The following CELF2 variants were observed in gnomAD, a reference collection of about 807,000 sequenced individuals.
The protein encoded by CELF2 is CUG triplet repeat RNA-binding protein 2.
CELF2 carries 8 observed loss-of-function variants against 62.6 expected under a neutral mutation model. The ratio of observed to expected loss-of-function variants is 0.13; its 90% CI spans 0.07 to 0.23. The LOEUF (loss-of-function observed/expected upper bound fraction) is 0.23, where lower values mean the gene tolerates loss of function less well. CELF2 is among the 10% of genes least tolerant of loss of function. The probability of loss-of-function intolerance (pLI) is 1.00; values close to 1 mark genes in which losing one functional copy is unlikely to be tolerated. For synonymous variants in CELF2, 258 were observed against 250.0 expected (o/e 1.03, Z -0.30); for missense variants, 333 against 671.0 (o/e 0.50, Z 5.56).
At chr10:10,991,608 C>T (rs1181016158) in intron 2 of CELF2, among the ~76,000 whole-genome samples, 1 of 152,154 alleles carries the variant, frequency 6.6e-6, no homozygotes, top group African/African-American at 2.4e-5. Flanking sequence ...TTTTACTTCT[C>T]AGTAATTTTG....
chr10:11,038,175 C>G (rs1052848481), intron 1 of CELF2, among the ~76,000 whole-genome samples: 1 of 152,168 alleles, frequency 6.6e-6, no homozygotes, highest in Non-Finnish European at 1.5e-5. Flanking sequence ...CGGAGAGGAC[C>G]CAGCCACACC....
chr10:10,859,812 T>G (rs2059951904), intron 1 of CELF2, among the ~76,000 whole-genome samples: 1 of 152,158 alleles, frequency 6.6e-6, no homozygotes, highest in Non-Finnish European at 1.5e-5. Context: ...CCTGCTTATA[T>G]CAATATAAAT....
At chr10:11,052,007 G>C (rs1369914711) in intron 1 of CELF2, among the ~76,000 whole-genome samples, 2 of 151,252 alleles carry the variant, frequency 1.3e-5, no homozygotes, top group Non-Finnish European at 2.9e-5. Flanking sequence ...CCAGGCTGAA[G>C]CAATCCTCCC....
chr10:10,629,891 A>G, the CELF2 span, among the ~76,000 whole-genome samples: 7 of 133,398 alleles, frequency 5.2e-5, no homozygotes, highest in East Asian at 1.3e-3. Flanking sequence ...AAAAAAAAAA[A>G]GCTTGCTTTT....
At chr10:11,086,433 A>G (rs1365690347) in intron 1 of CELF2, among the ~76,000 whole-genome samples, 1 of 152,046 alleles carries the variant, frequency 6.6e-6, no homozygotes, top group African/African-American at 2.4e-5. Flanking sequence ...GGGAGTGGGG[A>G]TTAGACGCCA....
intron 7 of CELF2, among the ~76,000 whole-genome samples, chr10:11,273,623 G>C (rs947468287): frequency 7.2e-5 from 11 of 152,138 alleles, no homozygotes; most frequent in African/African-American, 2.4e-4. Flanking sequence ...CATGTGTAGG[G>C]TTTATCATAT....
chr10:11,129,956 T>C (rs1057471368), intron 1 of CELF2, among the ~76,000 whole-genome samples: 7 of 152,238 alleles, frequency 4.6e-5, no homozygotes, highest in Non-Finnish European at 1.0e-4. Flanking sequence ...TTCTTTTAAT[T>C]GTGATGTTAG....
At chr10:11,209,787 G>GA (rs11410327) in intron 2 of CELF2, among the ~76,000 whole-genome samples, 142,236 of 148,340 alleles carry the variant, frequency 0.96, 68,207 homozygotes, top group East Asian at 0.99. Context: ...TTGGACTCTG[G>GA]AAAAAAAAAA....
At chr10:11,062,092 G>A (rs765686539) in intron 1 of CELF2, among the ~76,000 whole-genome samples, 2 of 152,228 alleles carry the variant, frequency 1.3e-5, no homozygotes, top group Non-Finnish European at 2.9e-5. Flanking sequence ...GATTACAGGC[G>A]TGAGCCTGGC....
At chr10:11,150,670 G>T (rs2063161632) in intron 1 of CELF2, among the ~76,000 whole-genome samples, 1 of 152,190 alleles carries the variant, frequency 6.6e-6, no homozygotes, top group African/African-American at 2.4e-5. Flanking sequence ...AAAACACCTG[G>T]GCAGCCATTT....
chr10:10,729,000 A>G, the CELF2 span, among the ~76,000 whole-genome samples: 1 of 152,362 alleles, frequency 6.6e-6, no homozygotes, highest in East Asian at 1.9e-4. Context: ...ACATGTCGAC[A>G]AATTAGACAT....
chr10:11,226,035 G>T (rs2066418463), intron 3 of CELF2, among the ~76,000 whole-genome samples: 1 of 152,180 alleles, frequency 6.6e-6, no homozygotes, highest in African/African-American at 2.4e-5. Context: ...GCCTCGTGGT[G>T]GTGGATTTAG....
At chr10:11,197,537 A>C (rs2058277853) in intron 2 of CELF2, among the ~76,000 whole-genome samples, 1 of 152,240 alleles carries the variant, frequency 6.6e-6, no homozygotes, top group East Asian at 1.9e-4. Context: ...TCATACCTCC[A>C]GTGAGAACAG....
At chr10:11,077,664 G>A (rs965405254) in intron 1 of CELF2, among the ~76,000 whole-genome samples, 1 of 152,276 alleles carries the variant, frequency 6.6e-6, no homozygotes, top group Non-Finnish European at 1.5e-5. Flanking sequence ...CAAAGTTAGC[G>A]TTTATCGTCG....
the CELF2 span, among the ~76,000 whole-genome samples, chr10:10,763,956 G>A: frequency 6.6e-6 from 1 of 152,230 alleles, no homozygotes; most frequent in Non-Finnish European, 1.5e-5. Flanking sequence ...ATATGGTATT[G>A]TAGATGGAGT....
intron 2 of CELF2, among the ~76,000 whole-genome samples, chr10:10,988,873 A>T (rs1457793026): frequency 6.6e-6 from 1 of 152,162 alleles, no homozygotes; most frequent in African/African-American, 2.4e-5. Context: ...ATGGAACCCA[A>T]ATAAACAGAT....
intron 2 of CELF2, among the ~76,000 whole-genome samples, chr10:10,964,998 T>C (rs2049967709): frequency 6.6e-6 from 1 of 152,128 alleles, no homozygotes; most frequent in African/African-American, 2.4e-5. Flanking sequence ...AACTGTGCAG[T>C]CATTGTCTCT....
chr10:10,682,920 G>A, the CELF2 span, among the ~76,000 whole-genome samples: 892 of 152,238 alleles, frequency 5.9e-3, 2 homozygotes, highest in Non-Finnish European at 8.2e-3. Flanking sequence ...AATGGAAGCA[G>A]TCAGCTGTAT....
At chr10:10,555,105 G>A in the CELF2 span, among the ~76,000 whole-genome samples, 9 of 152,004 alleles carry the variant, frequency 5.9e-5, no homozygotes, top group African/African-American at 1.7e-4. Flanking sequence ...ATTTGCCAAG[G>A]GAAAGCCATA....
Sources: gnomAD v4.1 joint callset for allele counts (sites outside exome capture counted in the v4.1 genomes callset) on GRCh38, gnomAD v4.1.1 for gene constraint, MANE v1.5 for transcripts, NCBI Gene and HGNC (gene_info 2026-07-23, HGNC 2026-07-21) for gene names.